Variants in FAM3D observed in about 807,000 individuals in gnomAD.
FAM3D encodes the protein FAM3 metabolism regulating signaling molecule D.
Under a neutral mutation model 29.8 loss-of-function variants are expected in FAM3D, and 26 were observed. That is an observed-to-expected ratio of 0.87 (90% CI 0.64 to 1.21). The LOEUF (loss-of-function observed/expected upper bound fraction) is 1.21. Among genes scored for constraint, FAM3D ranks in the 50% most tolerant of loss-of-function variants. The probability of loss-of-function intolerance (pLI) is 0.00; values close to 1 mark genes in which losing one functional copy is unlikely to be tolerated. For synonymous variants in FAM3D, 115 were observed against 102.3 expected, an observed-to-expected ratio of 1.12 and a Z score of -0.75; for missense variants, 253 against 290.9, an observed-to-expected ratio of 0.87 and a Z score of 0.95.
chr3:58,648,260 T>C (rs1213373934), intron 4 of FAM3D, among the ~76,000 whole-genome samples: 1 of 152,220 alleles, frequency 6.6e-6, no homozygotes, highest in Non-Finnish European at 1.5e-5. Flanking sequence ...TGTTGCTTCA[T>C]ATTGTCTTTG....
chr3:58,634,401 G>GT lies in FAM3D; in HGVS notation c.586-34dup, dbSNP rs780133647. ...GAGAGAAGACAGAGAAATATAGGCA[G>GT]TGAGTGAGGCTGTTCAGAACTCATG... On this transcript the variant is annotated intron_variant, in intron 9 of 9. Transcript: ENST00000358781. This position sits in a 1 kb window ranked among gnomAD's most constrained non-coding sequence, Gnocchi z 4.6. 5 of 1,593,522 alleles carry GT rather than the reference G, an allele frequency of 3.1e-6. No homozygotes were observed. The highest frequency in any genetic ancestry group is 3.4e-6 in the Non-Finnish European group (4 of 1,163,442).
chr3:58,640,070 C>T, intron 7 of FAM3D, 57 bp downstream of exon 7: 1 of 1,588,228 alleles, frequency 6.3e-7, no homozygotes, highest in South Asian at 1.1e-5. Context: ...CATGAAGAGG[C>T]TCAGCCCTCT....
intron 7 of FAM3D, 78 bp downstream of exon 7, chr3:58,640,049 G>A: frequency 1.3e-6 from 2 of 1,510,876 alleles, no homozygotes; most frequent in Non-Finnish European, 1.8e-6. Flanking sequence ...GAGCCACCAG[G>A]TCCCTTGCCA....
chr3:58,646,740 G>C lies in FAM3D; in HGVS notation c.146-1114C>G, dbSNP rs147257373. Reference sequence around the variant, plus strand: ...AGCTGCAGGCTCCTTAAGGAAGCTTGCACATGCCAAGACCTTGCTGCATGC... The same window carrying C: ...AGCTGCAGGCTCCTTAAGGAAGCTTCCACATGCCAAGACCTTGCTGCATGC... On this transcript the variant is annotated intron_variant, in intron 4 of 9. Coordinates refer to ENST00000358781, the MANE Select transcript of FAM3D (RefSeq NM_138805.3). Among the ~76,000 whole-genome samples, 165 of 152,334 alleles carry C rather than the reference G, an allele frequency of 1.1e-3. 5 individuals carry two copies. In the East Asian group the frequency reaches 0.022, roughly 20 times the overall value.
intron 6 of FAM3D, among the ~76,000 whole-genome samples, chr3:58,642,691 G>A (rs1466192999): frequency 6.6e-6 from 1 of 152,176 alleles, no homozygotes; most frequent in Non-Finnish European, 1.5e-5. Context: ...TGCAGGAGAT[G>A]CAGGGTTATC....
At chr3:58,651,047 A>T (rs2066624258) in intron 3 of FAM3D, among the ~76,000 whole-genome samples, 2 of 152,166 alleles carry the variant, frequency 1.3e-5, no homozygotes, top group African/African-American at 4.8e-5. Context: ...ACTCTGATTA[A>T]CTTTCTAGGC....
At chr3:58,661,153 C>T (rs1163527495) in intron 1 of FAM3D, among the ~76,000 whole-genome samples, 2 of 152,182 alleles carry the variant, frequency 1.3e-5, no homozygotes, top group African/African-American at 4.8e-5. Flanking sequence ...AAACATGTGG[C>T]CGCTGCATTT....
chr3:58,661,143 A>AAACATGTGGCCGCTGTTTTTATAT (rs1411010574), intron 1 of FAM3D, among the ~76,000 whole-genome samples: 2 of 152,246 alleles, frequency 1.3e-5, no homozygotes, highest in Non-Finnish European at 2.9e-5. Context: ...TTATTTATAA[A>AAACATGTGGCCGCTGTTTTTATAT]AACATGTGGC....
At chr3:58,658,833 G>T (rs575853831) in intron 1 of FAM3D, among the ~76,000 whole-genome samples, 80 of 152,316 alleles carry the variant, frequency 5.3e-4, no homozygotes, top group African/African-American at 1.9e-3. Context: ...AGCTAGATGT[G>T]ATAAGTCTGG....
intron 1 of FAM3D, among the ~76,000 whole-genome samples, chr3:58,664,640 G>A (rs185109359): frequency 6.6e-6 from 1 of 152,350 alleles, no homozygotes; most frequent in Non-Finnish European, 1.5e-5. Flanking sequence ...AATAAGATAG[G>A]CAACTTGCCT....
chr3:58,657,385 G>GAT (rs1265588091), intron 1 of FAM3D: 2 of 147,166 alleles, frequency 1.4e-5, no homozygotes, highest in Admixed American at 1.4e-4. Context: ...TGGTGGGGAA[G>GAT]AGAGAGAGAG....
intron 7 of FAM3D, among the ~76,000 whole-genome samples, 191 bp from the exon 8 acceptor site, chr3:58,637,416 C>A (rs1270260041): frequency 6.6e-6 from 1 of 152,040 alleles, no homozygotes; most frequent in Non-Finnish European, 1.5e-5. Flanking sequence ...GGCAGAGTGA[C>A]CAGAGTGAGG....
chr3:58,641,369 C>CTT (rs879476790), intron 6 of FAM3D, among the ~76,000 whole-genome samples: 3 of 144,876 alleles, frequency 2.1e-5, no homozygotes, highest in African/African-American at 7.6e-5. Context: ...TGCTTAACCT[C>CTT]TTTTTTTTTT....
At chr3:58,658,443 G>C (rs951464846) in intron 1 of FAM3D, among the ~76,000 whole-genome samples, 1 of 152,164 alleles carries the variant, frequency 6.6e-6, no homozygotes, top group African/African-American at 2.4e-5. Flanking sequence ...GGGAGATAGG[G>C]CTGTGAGCAA....
At chr3:58,636,692 T>C (rs2066181143) in intron 8 of FAM3D, among the ~76,000 whole-genome samples, 1 of 152,222 alleles carries the variant, frequency 6.6e-6, no homozygotes, top group Admixed American at 6.5e-5. Context: ...ATATGGAAGA[T>C]CACAAAGAAG....
chr3:58,662,119 G>A (rs1222776234), intron 1 of FAM3D, among the ~76,000 whole-genome samples: 1 of 151,484 alleles, frequency 6.6e-6, no homozygotes, highest in Non-Finnish European at 1.5e-5. Context: ...TTTCCCCAGA[G>A]AGGACAAACT....
intron 3 of FAM3D, 118 bp downstream of exon 3, chr3:58,653,556 C>G: frequency 1.0e-6 from 1 of 981,166 alleles, no homozygotes; most frequent in Non-Finnish European, 1.6e-6. Flanking sequence ...TTGCTGGGGT[C>G]CCAAAGGCAG....
chr3:58,661,505 T>C (rs1305022115), intron 1 of FAM3D, among the ~76,000 whole-genome samples: 1 of 152,150 alleles, frequency 6.6e-6, no homozygotes, highest in Non-Finnish European at 1.5e-5. Flanking sequence ...GGTGCCACGC[T>C]CAGTACCTGG....
At chr3:58,652,199 T>C (rs1244560117) in intron 3 of FAM3D, among the ~76,000 whole-genome samples, 1 of 152,062 alleles carries the variant, frequency 6.6e-6, no homozygotes, top group African/African-American at 2.4e-5. Flanking sequence ...CTTGGGTGAG[T>C]TTTTAAATCT....
Sources: gnomAD v4.1 joint callset for allele counts (sites outside exome capture counted in the v4.1 genomes callset) on GRCh38, gnomAD v4.1.1 for gene constraint, Gnocchi (gnomAD v3.1) non-coding constraint, MANE v1.5 for transcripts, NCBI Gene and HGNC (gene_info 2026-07-23, HGNC 2026-07-21) for gene names.